Variants in HCRTR2 observed in about 807,000 individuals in gnomAD.
The protein encoded by HCRTR2 is hypocretin receptor 2.
In HCRTR2, 22 loss-of-function variants were observed where a neutral mutation model predicts 49.0. The ratio of observed to expected loss-of-function variants is 0.45; its 90% CI spans 0.32 to 0.64. HCRTR2 has a LOEUF of 0.64. Ranked by LOEUF, HCRTR2 falls within the 30% of genes least tolerant of loss-of-function variation. HCRTR2 has a pLI of 0.04. For missense variants in HCRTR2, 491 were observed against 559.4 expected (o/e 0.88, Z 1.23); for synonymous variants, 236 against 205.3 (o/e 1.15, Z -1.28).
At chr6:55,207,476 C>T (rs1457523640) in intron 1 of HCRTR2, among the ~76,000 whole-genome samples, 1 of 151,986 alleles carries the variant, frequency 6.6e-6, no homozygotes, top group African/African-American at 2.4e-5. Context: ...TTATTTTAAG[C>T]CTCACCATTT....
chr6:55,224,626 TAAAA>T (rs112507038), intron 1 of HCRTR2, among the ~76,000 whole-genome samples: 1 of 142,388 alleles, frequency 7.0e-6, no homozygotes. Context: ...CCGTCTCAGT[TAAAA>T]AAAAAAAAAG....
intron 1 of HCRTR2, among the ~76,000 whole-genome samples, chr6:55,164,153 G>T (rs371685915): frequency 6.6e-6 from 1 of 152,198 alleles, no homozygotes; most frequent in South Asian, 2.1e-4. Flanking sequence ...TGGAGAAATA[G>T]GAACGCTTTT....
At chr6:55,107,922 A>G (rs1364327210) in intron 1 of HCRTR2, among the ~76,000 whole-genome samples, 1 of 152,086 alleles carries the variant, frequency 6.6e-6, no homozygotes, top group Non-Finnish European at 1.5e-5. Context: ...TTTTGTGCAT[A>G]TTCATTGCTT....
At chr6:55,199,138 G>T (rs1015851923) in intron 1 of HCRTR2, among the ~76,000 whole-genome samples, 2 of 152,126 alleles carry the variant, frequency 1.3e-5, no homozygotes, top group Non-Finnish European at 2.9e-5. Flanking sequence ...GTTAATGGGA[G>T]AATGAGAAAT....
chr6:55,207,031 A>G (rs906199860), intron 1 of HCRTR2, among the ~76,000 whole-genome samples: 1 of 152,116 alleles, frequency 6.6e-6, no homozygotes, highest in Non-Finnish European at 1.5e-5. Context: ...TTGCTTTGCT[A>G]TAAAATGGGA....
intron 1 of HCRTR2, among the ~76,000 whole-genome samples, chr6:55,206,403 A>T (rs886163172): frequency 6.6e-6 from 1 of 152,066 alleles, no homozygotes; most frequent in African/African-American, 2.4e-5. Context: ...TCTCCTTAGT[A>T]AGAGAAGTAT....
chr6:55,216,110 G>T (rs1186299959), intron 1 of HCRTR2, among the ~76,000 whole-genome samples: 1 of 152,118 alleles, frequency 6.6e-6, no homozygotes, highest in Non-Finnish European at 1.5e-5. Context: ...TAAGCCATTA[G>T]CCCATTAATC....
intron 4 of HCRTR2, among the ~76,000 whole-genome samples, chr6:55,272,935 G>T (rs1025627663): frequency 6.6e-6 from 1 of 151,252 alleles, no homozygotes; most frequent in South Asian, 2.1e-4. Flanking sequence ...GTTGGACAGG[G>T]GCAGGAGGCA....
intron 1 of HCRTR2, among the ~76,000 whole-genome samples, chr6:55,217,193 T>C (rs1202170750): frequency 6.6e-6 from 1 of 152,106 alleles, no homozygotes; most frequent in African/African-American, 2.4e-5. Context: ...CCCCTGGGCT[T>C]TTCATGAGAG....
chr6:55,175,637 C>G (rs1423775767), intron 1 of HCRTR2, among the ~76,000 whole-genome samples: 1 of 152,004 alleles, frequency 6.6e-6, no homozygotes, highest in East Asian at 1.9e-4. Context: ...CTATTTGTCC[C>G]GGTCTAGGTC....
rs147923699 is a variant in HCRTR2, at chr6:55,201,777, A to G, written c.223+26967A>G. Among the ~76,000 whole-genome samples, 768 of 152,280 alleles carry G rather than the reference A, an allele frequency of 5.0e-3. 4 individuals carry two copies. The highest frequency in any genetic ancestry group is 0.017 in the African/African-American group (708 of 41,574). On this transcript the variant is annotated intron_variant, in intron 1 of 6. Transcript: ENST00000370862. The stretch of plus-strand genomic sequence containing the variant: ...CGAGAAGATAATTAAAATATTTTAT[A>G]CTTCAAGAAGACCTAGTTTTCCAAA...
chr6:55,229,110 C>A (rs1375221950), intron 1 of HCRTR2, among the ~76,000 whole-genome samples: 1 of 152,094 alleles, frequency 6.6e-6, no homozygotes, highest in African/African-American at 2.4e-5. Context: ...ATTAGCAAAA[C>A]CAAAGATGAC....
intron 1 of HCRTR2, among the ~76,000 whole-genome samples, chr6:55,232,245 G>A (rs1480832856): frequency 6.6e-6 from 1 of 151,838 alleles, no homozygotes; most frequent in African/African-American, 2.4e-5. Flanking sequence ...TTAGTCAAAC[G>A]GGCAATTAAT....
chr6:55,194,884 C>A (rs1293442667), intron 1 of HCRTR2, among the ~76,000 whole-genome samples: 2 of 113,738 alleles, frequency 1.8e-5, no homozygotes, highest in Non-Finnish European at 4.1e-5. Flanking sequence ...TGTTATAAAA[C>A]AACACAATTT....
chr6:55,248,652 G>T lies in HCRTR2; in HGVS notation c.237G>T (p.Val79=). 6.2e-7 allele frequency: 1 copy of T among 1,613,094 alleles called. No homozygotes were observed. Among genetic ancestry groups the T allele is most frequent in the Non-Finnish European group, 8.5e-7 (1 of 1,179,222 alleles). Residue 79 remains valine, a synonymous_variant, in exon 2 of 7, where the codon GTG becomes GTT. Coordinates refer to ENST00000370862, the MANE Select transcript of HCRTR2 (RefSeq NM_001384272.1). ...TTTTCAAATTAGTTTGTGTGGCAGT[G>T]TGGAAGAACCACCACATGAGGACGG... is the stretch of plus-strand genomic sequence containing the variant. ...LIGNVLVCVA[V]WKNHHMRTVT...
chr6:55,113,777 C>T (rs1430901328), intron 1 of HCRTR2, among the ~76,000 whole-genome samples: 3 of 151,914 alleles, frequency 2.0e-5, no homozygotes, highest in Admixed American at 2.0e-4. Context: ...CCATTTGATC[C>T]AGCAATCTGA....
chr6:55,112,205 T>C (rs1369860562), intron 1 of HCRTR2, among the ~76,000 whole-genome samples: 1 of 151,960 alleles, frequency 6.6e-6, no homozygotes, highest in African/African-American at 2.4e-5. Flanking sequence ...TGGGGAAAAG[T>C]TGAAGGCATT....
intron 1 of HCRTR2, among the ~76,000 whole-genome samples, chr6:55,210,030 T>C (rs1765669745): frequency 6.6e-6 from 1 of 152,254 alleles, no homozygotes; most frequent in African/African-American, 2.4e-5. Flanking sequence ...TAGAAAACTT[T>C]TAGATAAAAA....
In HCRTR2 at chr6:55,259,173, G is replaced by C. The variant is rs1371815013; in HGVS notation, c.646+3794G>C. 2.6e-5 allele frequency among the ~76,000 whole-genome samples: 4 copies of C among 151,702 alleles called. No homozygotes were observed. In the East Asian group the frequency reaches 7.7e-4, roughly 29 times the overall value. Reference sequence around the variant, plus strand: ...CAATTGTTCTGGACACTGGAGATTAGTAGCATCTCTCTTTTTGAATATTAC... The same window carrying C: ...CAATTGTTCTGGACACTGGAGATTACTAGCATCTCTCTTTTTGAATATTAC... On this transcript the variant is annotated intron_variant, in intron 3 of 6. Coordinates refer to ENST00000370862, the MANE Select transcript of HCRTR2 (RefSeq NM_001384272.1).
Sources: allele counts gnomAD v4.1 joint callset (sites outside exome capture counted in the v4.1 genomes callset), GRCh38; gene constraint gnomAD v4.1.1; transcripts MANE v1.5; gene names NCBI Gene and HGNC (gene_info 2026-07-23, HGNC 2026-07-21).